SCLT1: variants seen among roughly 807,000 people sequenced by gnomAD.
SCLT1 encodes sodium channel and clathrin linker 1, also known as sodium channel-associated protein 1.
A neutral mutation model predicts 112.8 loss-of-function variants in SCLT1; 78 were observed. The observed-to-expected ratio is 0.69, with a 90% CI of 0.58 to 0.83. The LOEUF (loss-of-function observed/expected upper bound fraction) is 0.83. Ranked by LOEUF, SCLT1 falls within the 40% of genes least tolerant of loss-of-function variation. The pLI, the probability that SCLT1 is intolerant of heterozygous loss-of-function variation, is 0.00. For missense variants in SCLT1, 747 were observed against 770.4 expected, an observed-to-expected ratio of 0.97 and a Z score of 0.36; for synonymous variants, 257 against 254.7, an observed-to-expected ratio of 1.01 and a Z score of -0.09.
rs114795871 is a variant in SCLT1 at position 129,036,106 on chromosome 4, T to C, written c.290+2935A>G. Among the ~76,000 whole-genome samples, 1,210 of 152,154 alleles carry C rather than the reference T, an allele frequency of 8.0e-3. 14 individuals are homozygous for C. Among genetic ancestry groups the C allele is most frequent in the African/African-American group, 0.028 (1,160 of 41,572 alleles). On this transcript the variant is annotated intron_variant, in intron 5 of 20. Transcript: ENST00000281142. ...TTGATTTTGTAGTCCTTAGCCACAA[T>C]ATATAATTAAAAGTAGGATGTTTCT...
chr4:129,001,098 A>G (rs1438198708), intron 6 of SCLT1, among the ~76,000 whole-genome samples: 1 of 152,014 alleles, frequency 6.6e-6, no homozygotes, highest in Non-Finnish European at 1.5e-5. Flanking sequence ...CATTTCCTTA[A>G]GACTCAAGTT....
rs541956711 is a variant in SCLT1 at position 128,961,785 on chromosome 4, G to A, written c.870-2008C>T. On this transcript the variant is annotated intron_variant, in intron 11 of 20. Transcript: ENST00000281142. ...ATCTGTTGCCACTTTAGTGTTTGGG[G>A]CTGAGGTTTCCAAATCAACAAATAG... Among the ~76,000 whole-genome samples the A allele has an allele frequency of 2.6e-5, 4 of 152,280 alleles. No individual in the cohort carries two copies. In the South Asian group the frequency reaches 8.3e-4, roughly 32 times the overall value.
chr4:129,023,371 G>A (rs551257450), intron 5 of SCLT1, among the ~76,000 whole-genome samples: 1 of 152,240 alleles, frequency 6.6e-6, no homozygotes, highest in South Asian at 2.1e-4. Context: ...AAAGAGTCAA[G>A]ACCCATTGGT....
At chr4:129,014,843 T>C (rs1013326029) in intron 5 of SCLT1, among the ~76,000 whole-genome samples, 2 of 152,068 alleles carry the variant, frequency 1.3e-5, no homozygotes, top group Non-Finnish European at 2.9e-5. Flanking sequence ...GCTGCTGGGG[T>C]GCCTGCCTCC....
At chr4:128,932,183 C>A (rs1431368169) in intron 18 of SCLT1, among the ~76,000 whole-genome samples, 2 of 151,942 alleles carry the variant, frequency 1.3e-5, no homozygotes, top group African/African-American at 4.8e-5. Flanking sequence ...TAATTAAAAA[C>A]AAAACTGAAA....
intron 9 of SCLT1, among the ~76,000 whole-genome samples, chr4:128,973,723 C>G (rs910376738): frequency 1.3e-5 from 2 of 151,974 alleles, no homozygotes; most frequent in South Asian, 2.1e-4. Flanking sequence ...AAAATAGGCA[C>G]TGGACTTAGA....
intron 18 of SCLT1, among the ~76,000 whole-genome samples, chr4:128,908,326 A>G (rs1734838990): frequency 6.6e-6 from 1 of 151,646 alleles, no homozygotes; most frequent in East Asian, 1.9e-4. Flanking sequence ...TACTTTTAGT[A>G]ATTATGTATT....
chr4:129,012,717 A>G lies in SCLT1; in HGVS notation c.291-8841T>C, dbSNP rs1744641186. 2.0e-5 allele frequency among the ~76,000 whole-genome samples: 3 copies of G among 151,726 alleles called. No homozygotes were observed. In the South Asian group the frequency reaches 6.2e-4, roughly 32 times the overall value. ...CTGCGTGCTCCTGTGTTGGGTACAT[A>G]TATATTTAGGATAGTTAGATCTTCT... On this transcript the variant is annotated intron_variant, in intron 5 of 20. Transcript: ENST00000281142.
At chr4:129,051,235 A>C (rs185223090) in intron 2 of SCLT1, among the ~76,000 whole-genome samples, 1 of 151,938 alleles carries the variant, frequency 6.6e-6, no homozygotes, top group Non-Finnish European at 1.5e-5. Context: ...CATGAAATTT[A>C]AAGTAGTTTT....
chr4:128,954,909 C>T (rs1739094205), intron 13 of SCLT1, among the ~76,000 whole-genome samples: 2 of 152,148 alleles, frequency 1.3e-5, no homozygotes, highest in Non-Finnish European at 1.5e-5. Context: ...ATGTCTGTCG[C>T]TCTCTCACAT....
chr4:128,990,227 C>T (rs1333688021), intron 9 of SCLT1, among the ~76,000 whole-genome samples: 1 of 151,948 alleles, frequency 6.6e-6, no homozygotes, highest in Non-Finnish European at 1.5e-5. Context: ...CTCAATTCAA[C>T]AACACATTAA....
At chr4:129,083,963 T>C in intron 1 of SCLT1, among the ~76,000 whole-genome samples, 1 of 152,184 alleles carries the variant, frequency 6.6e-6, no homozygotes, top group South Asian at 2.1e-4. Flanking sequence ...TCTCAAAAGT[T>C]ATTTTAAAAA....
intron 18 of SCLT1, among the ~76,000 whole-genome samples, chr4:128,914,422 A>G (rs1440053967): frequency 6.6e-6 from 1 of 152,150 alleles, no homozygotes; most frequent in Non-Finnish European, 1.5e-5. Flanking sequence ...CCTTAATGTG[A>G]TAGATGTTTC....
At chr4:128,939,846 C>T (rs1737530628) in intron 17 of SCLT1, among the ~76,000 whole-genome samples, 1 of 152,154 alleles carries the variant, frequency 6.6e-6, no homozygotes, top group Admixed American at 6.5e-5. Context: ...GAAGATCATA[C>T]TCTTTTGCAA....
At chr4:128,933,166 G>A (rs1736907733) in intron 18 of SCLT1, among the ~76,000 whole-genome samples, 1 of 152,064 alleles carries the variant, frequency 6.6e-6, no homozygotes, top group Non-Finnish European at 1.5e-5. Context: ...AAACAAAGTT[G>A]GAGGCTTCAC....
At chr4:128,970,573 A>G in intron 9 of SCLT1, 105 bp from the exon 10 acceptor site, 3 of 664,428 alleles carry the variant, frequency 4.5e-6, no homozygotes, top group South Asian at 3.5e-5. Context: ...ACTCTTGTTT[A>G]TCTAAAATGG....
chr4:128,906,766 ACATACTACTGT>A (rs57015484), intron 18 of SCLT1, among the ~76,000 whole-genome samples: 110,134 of 151,726 alleles, frequency 0.73, 40,278 homozygotes, highest in African/African-American at 0.81. Flanking sequence ...GTTACATGCT[ACATACTACTGT>A]GCTAGGTGCT....
intron 5 of SCLT1, among the ~76,000 whole-genome samples, chr4:129,028,602 A>C (rs1746370465): frequency 6.6e-6 from 1 of 152,214 alleles, no homozygotes. Context: ...ATTACCATTC[A>C]AGACATAGGT....
chr4:128,942,348 T>C (rs547769182), intron 17 of SCLT1, among the ~76,000 whole-genome samples: 36 of 145,514 alleles, frequency 2.5e-4, no homozygotes, highest in Non-Finnish European at 4.8e-4. Flanking sequence ...AAGATGTAGA[T>C]ATTTATCATA....
Sources: gnomAD v4.1 joint callset for allele counts (sites outside exome capture counted in the v4.1 genomes callset) on GRCh38, gnomAD v4.1.1 for gene constraint, MANE v1.5 for transcripts, NCBI Gene and HGNC (gene_info 2026-07-23, HGNC 2026-07-21) for gene names.